NAALADL2: variants seen among roughly 807,000 people sequenced by gnomAD.
NAALADL2 encodes the protein N-acetylated alpha-linked acidic dipeptidase like 2.
NAALADL2 carries 76 observed loss-of-function variants against 87.2 expected under a neutral mutation model. The ratio of observed to expected loss-of-function variants is 0.87; its 90% CI spans 0.72 to 1.05. NAALADL2 has a LOEUF of 1.05. Ranked by LOEUF, NAALADL2 falls within the 50% of genes least tolerant of loss-of-function variation. The pLI, the probability that NAALADL2 is intolerant of heterozygous loss-of-function variation, is 0.00. For synonymous variants in NAALADL2, 354 were observed against 331.0 expected, an observed-to-expected ratio of 1.07 and a Z score of -0.75; for missense variants, 1,089 against 945.8, an observed-to-expected ratio of 1.15 and a Z score of -1.99.
rs1209132977 is a variant in NAALADL2 at position 175,471,702 on chromosome 3, G to C, written c.1597G>C (p.Gly533Arg). 2 of 1,602,792 alleles carry C rather than the reference G, an allele frequency of 1.2e-6. No homozygotes were observed. Among genetic ancestry groups the C allele is most frequent in the Admixed American group, 3.4e-5 (2 of 59,344 alleles). Reference protein sequence around the residue: ...AYISLHSPIRGNSSLYPVASP... With the variant: ...AYISLHSPIRRNSSLYPVASP... ...TATTAGCCTCCACAGTCCCATAAGGGGGAACTCTAGTCTGTATCCTGTAGC... is the reference window on the plus strand; with the variant it reads ...TATTAGCCTCCACAGTCCCATAAGGCGGAACTCTAGTCTGTATCCTGTAGC... Residue 533 changes from glycine (G) to arginine (R), a missense_variant, in exon 9 of 14, where the codon GGG becomes CGG. Physicochemically the swap from Gly to Arg is moderately radical, Grantham distance 125 (BLOSUM62 -2). Transcript: ENST00000454872.
rs376243465 is a variant in NAALADL2, at chr3:174,861,628, ATATAT to A, written c.43+2182_43+2186del. On this transcript the variant is annotated intron_variant, in intron 1 of 13. Coordinates refer to ENST00000454872, the MANE Select transcript of NAALADL2 (RefSeq NM_207015.3). ...CTTACGTGTTTTGACTATGAGGATAATATATTATGTAGATTATCATTGGAACTCCA... is the reference window on the plus strand; with the variant it reads ...CTTACGTGTTTTGACTATGAGGATAATATGTAGATTATCATTGGAACTCCA... 1.8e-4 allele frequency among the ~76,000 whole-genome samples: 27 copies of A among 152,206 alleles called. 1 individual carries two copies. The East Asian group carries it at 3.3e-3, about 18-fold the overall frequency.
intron 1 of NAALADL2, among the ~76,000 whole-genome samples, chr3:175,072,630 G>T (rs903380683): frequency 7.3e-6 from 1 of 137,096 alleles, no homozygotes; most frequent in Non-Finnish European, 1.5e-5. Context: ...ATTAGGAGAT[G>T]TCCAATTGCT....
At chr3:175,219,842 C>T (rs1399562507) in intron 2 of NAALADL2, among the ~76,000 whole-genome samples, 1 of 149,000 alleles carries the variant, frequency 6.7e-6, no homozygotes, top group African/African-American at 2.5e-5. Context: ...TAAAATTTCT[C>T]TCAATAATAG....
At chr3:174,809,213 A>G (rs1453653075) in intron 3 of NAALADL2, among the ~76,000 whole-genome samples, 1 of 152,172 alleles carries the variant, frequency 6.6e-6, no homozygotes, top group South Asian at 2.1e-4. Flanking sequence ...AGTCAGATAT[A>G]GAAACAGTAC....
At chr3:174,526,367 T>C (rs1162419760) in intron 1 of NAALADL2, among the ~76,000 whole-genome samples, 3 of 152,316 alleles carry the variant, frequency 2.0e-5, no homozygotes, top group Admixed American at 1.3e-4. Context: ...TGTGTGACTT[T>C]GGCATGCTTT....
intron 2 of NAALADL2, among the ~76,000 whole-genome samples, chr3:175,199,850 A>G (rs1739659062): frequency 5.6e-5 from 1 of 17,790 alleles, no homozygotes; most frequent in African/African-American, 3.1e-4. Context: ...ATATATATAT[A>G]TATATATATA....
chr3:174,713,115 C>T (rs1417222254), intron 2 of NAALADL2, among the ~76,000 whole-genome samples: 2 of 152,112 alleles, frequency 1.3e-5, no homozygotes, highest in South Asian at 4.1e-4. Flanking sequence ...CATCCATGTC[C>T]CTACAAAGGA....
chr3:174,887,868 A>C (rs76704379), intron 1 of NAALADL2, among the ~76,000 whole-genome samples: 4,918 of 151,918 alleles, frequency 0.032, 254 homozygotes, highest in African/African-American at 0.11. Flanking sequence ...AATACATATA[A>C]TATTTCTGTT....
Position 175,576,021 on chromosome 3 carries a change from A to G in NAALADL2, c.1654-20A>G, listed in dbSNP as rs1413872091. 1.9e-6 allele frequency: 3 copies of G among 1,603,858 alleles called. No individual in the cohort carries two copies. The highest frequency in any genetic ancestry group is 8.5e-7 in the Non-Finnish European group (1 of 1,174,516). On this transcript the variant is annotated intron_variant, in intron 9 of 13. Coordinates refer to ENST00000454872, the MANE Select transcript of NAALADL2 (RefSeq NM_207015.3). ...CTGGGAAGCATAGTATGTGTTAACAATTTAAATTATGTTTTTCAGAAAAAT... is the reference window on the plus strand; with the variant it reads ...CTGGGAAGCATAGTATGTGTTAACAGTTTAAATTATGTTTTTCAGAAAAAT...
chr3:174,716,632 G>A (rs1184069761), intron 2 of NAALADL2, among the ~76,000 whole-genome samples: 2 of 151,354 alleles, frequency 1.3e-5, no homozygotes, highest in African/African-American at 4.9e-5. Flanking sequence ...AAATATTCCA[G>A]GCTAAGATTA....
intron 2 of NAALADL2, among the ~76,000 whole-genome samples, chr3:175,129,611 G>A (rs1727496090): frequency 6.6e-6 from 1 of 152,150 alleles, no homozygotes; most frequent in Non-Finnish European, 1.5e-5. Flanking sequence ...ATTAAGATAT[G>A]TTATTACAAA....
intron 2 of NAALADL2, among the ~76,000 whole-genome samples, chr3:174,700,470 A>T (rs1729448937): frequency 6.6e-6 from 1 of 152,106 alleles, no homozygotes; most frequent in South Asian, 2.1e-4. Flanking sequence ...AATCAGTATA[A>T]CGCTCTCCAT....
chr3:174,997,557 G>C (rs969025875), intron 1 of NAALADL2, among the ~76,000 whole-genome samples: 1 of 152,172 alleles, frequency 6.6e-6, no homozygotes, highest in South Asian at 2.1e-4. Context: ...GGGCACGGTG[G>C]CTCATGCCTG....
At chr3:174,534,685 A>G (rs1721565199) in intron 1 of NAALADL2, among the ~76,000 whole-genome samples, 1 of 152,188 alleles carries the variant, frequency 6.6e-6, no homozygotes, top group Non-Finnish European at 1.5e-5. Context: ...CCCTAAATCA[A>G]TCCCTGGCAA....
At chr3:174,885,187 T>C (rs1205282524) in intron 1 of NAALADL2, among the ~76,000 whole-genome samples, 1 of 152,134 alleles carries the variant, frequency 6.6e-6, no homozygotes, top group Non-Finnish European at 1.5e-5. Flanking sequence ...ATCAATGCCC[T>C]CAGTAGACAC....
At chr3:174,875,498 G>A (rs1420430415) in intron 1 of NAALADL2, among the ~76,000 whole-genome samples, 1 of 152,056 alleles carries the variant, frequency 6.6e-6, no homozygotes, top group African/African-American at 2.4e-5. Flanking sequence ...GAGTTCATAG[G>A]TTTTGTCAGA....
chr3:175,177,447 T>C (rs892064718), intron 2 of NAALADL2, among the ~76,000 whole-genome samples: 16 of 152,068 alleles, frequency 1.1e-4, no homozygotes, highest in African/African-American at 3.9e-4. Flanking sequence ...TAAACAGGGC[T>C]TTCAGACCCT....
At chr3:174,836,407 C>T (rs555009856) in intron 3 of NAALADL2, among the ~76,000 whole-genome samples, 1 of 152,162 alleles carries the variant, frequency 6.6e-6, no homozygotes, top group South Asian at 2.1e-4. Context: ...AGATTGGTTG[C>T]ACAACAATGT....
At chr3:175,117,593 G>A (rs113470158) in intron 2 of NAALADL2, among the ~76,000 whole-genome samples, 87,978 of 147,142 alleles carry the variant, frequency 0.6, 26,776 homozygotes, top group African/African-American at 0.73. Context: ...TTAGAATGGC[G>A]ATCATTAAAA....
Sources: allele counts gnomAD v4.1 joint callset (sites outside exome capture counted in the v4.1 genomes callset), GRCh38; gene constraint gnomAD v4.1.1; transcripts MANE v1.5; gene names NCBI Gene and HGNC (gene_info 2026-07-23, HGNC 2026-07-21).